Variants in MAX observed in about 807,000 individuals in gnomAD.
MAX encodes the protein MYC associated transcriptional regulator X.
A neutral mutation model predicts 22.3 loss-of-function variants in MAX; 3 were observed. The ratio of observed to expected loss-of-function variants is 0.13; its 90% CI spans 0.06 to 0.35. MAX has a LOEUF of 0.35. Ranked by LOEUF, MAX falls within the 10% of genes least tolerant of loss-of-function variation. The pLI, the probability that MAX is intolerant of heterozygous loss-of-function variation, is 1.00. For missense variants in MAX, 119 were observed against 209.4 expected, an observed-to-expected ratio of 0.57 and a Z score of 2.66; for synonymous variants, 72 against 77.7, an observed-to-expected ratio of 0.93 and a Z score of 0.39.
At chr14:65,101,681 A>C (rs1350204236) in intron 1 of MAX, 109 bp from the exon 2 acceptor site, 4 of 831,746 alleles carry the variant, frequency 4.8e-6, no homozygotes, top group African/African-American at 1.7e-5. Context: ...GAGGGTGGGG[A>C]GTCAGCCCGA....
intron 3 of MAX, among the ~76,000 whole-genome samples, chr14:65,056,085 C>CTATAAGCAATATATAGTTTTT (rs1221180206): frequency 6.6e-6 from 1 of 152,116 alleles, no homozygotes; most frequent in Non-Finnish European, 1.5e-5. Context: ...ACATATGTAT[C>CTATAAGCAATATATAGTTTTT]TATAAGCAAT....
intron 3 of MAX, among the ~76,000 whole-genome samples, chr14:65,037,745 T>A (rs201962317): frequency 0.29 from 15,142 of 51,756 alleles, 940 homozygotes; most frequent in Non-Finnish European, 0.34. Flanking sequence ...TTATTTATTA[T>A]TTATTTATTT....
intron 3 of MAX, among the ~76,000 whole-genome samples, chr14:65,015,196 G>A (rs1167778769): frequency 4.0e-5 from 6 of 150,676 alleles, no homozygotes; most frequent in African/African-American, 1.2e-4. Flanking sequence ...TCTGCCTCCC[G>A]GGTTCAAGTG....
chr14:65,048,314 T>C (rs961604812), intron 3 of MAX, among the ~76,000 whole-genome samples: 1 of 146,942 alleles, frequency 6.8e-6, no homozygotes. Flanking sequence ...TTCTGTATTA[T>C]ACTGTGCCTT....
At chr14:65,045,897 A>G (rs1022787704) in intron 3 of MAX, among the ~76,000 whole-genome samples, 1 of 152,232 alleles carries the variant, frequency 6.6e-6, no homozygotes, top group African/African-American at 2.4e-5. Flanking sequence ...GTGCACTGTC[A>G]GCAAGTGCAC....
At position 65,076,930 on chromosome 14, in the gene MAX, C is replaced by T. The variant is rs1364806929; in HGVS notation, c.296-267G>A. The stretch of plus-strand genomic sequence containing the variant: ...AAGGCTTGTGATGTCACCGTCCTGC[C>T]GTGGAAGCCCCGTGGAGAGACTGGA... On this transcript the variant is annotated intron_variant, in intron 4 of 4. Coordinates refer to ENST00000358664, the MANE Select transcript of MAX (RefSeq NM_002382.5). The surrounding 1 kb of genome is among the most constrained non-coding windows in gnomAD (Gnocchi z 6.6). The T allele has an allele frequency of 5.1e-6, 3 of 583,404 alleles. No homozygotes were observed. Among genetic ancestry groups the T allele is most frequent in the African/African-American group, 1.9e-5 (1 of 53,920 alleles). The allele number at this position is 583,404 out of a possible 1,614,324, so 36.1% of individuals were successfully genotyped here.
At chr14:65,102,210 A>G in intron 1 of MAX, 94 bp downstream of exon 1, 2 of 1,575,582 alleles carry the variant, frequency 1.3e-6, no homozygotes, top group African/African-American at 1.4e-5. Context: ...AGGCGGCGGC[A>G]GCCCGGCCCC....
Position 65,052,075 on chromosome 14 carries a change from A to G in MAX, c.171+41633T>C, listed in dbSNP as rs142485601. On this transcript the variant is annotated intron_variant, in intron 3 of 3. Transcript: ENST00000341653. ...CTCCCAAAGTGCTGGGATTACAGGC[A>G]TAAGCCATCGTGCCTGGCCCACCAT... is the stretch of plus-strand genomic sequence containing the variant. 7.0e-3 allele frequency among the ~76,000 whole-genome samples: 1,072 copies of G among 152,276 alleles called. 8 individuals are homozygous for G. Among genetic ancestry groups the G allele is most frequent in the African/African-American group, 0.024 (1,002 of 41,568 alleles).
chr14:65,064,662 T>C (rs1396024781), intron 3 of MAX, among the ~76,000 whole-genome samples: 1 of 152,202 alleles, frequency 6.6e-6, no homozygotes, highest in South Asian at 2.1e-4. Context: ...GAGAATACAG[T>C]GCACCAATTG....
chr14:65,091,307 C>T (rs532752160), intron 3 of MAX, among the ~76,000 whole-genome samples: 14 of 152,286 alleles, frequency 9.2e-5, no homozygotes, highest in Admixed American at 3.3e-4. Flanking sequence ...GCTGGCAGCT[C>T]GCTTTTTAAA....
upstream of MAX, chr14:65,102,603 T>C (rs2063884918): frequency 7.2e-7 from 1 of 1,394,014 alleles, no homozygotes; most frequent in East Asian, 2.7e-5. Context: ...CCGAGACTTG[T>C]AGTTCTTGTC....
chr14:65,080,082 A>G (rs2063164760), intron 3 of MAX, among the ~76,000 whole-genome samples: 1 of 152,198 alleles, frequency 6.6e-6, no homozygotes. Context: ...CCTGACTAGC[A>G]GAGACTAGAG....
At chr14:65,021,873 T>C (rs141927811) in intron 3 of MAX, 136 of 451,556 alleles carry the variant, frequency 3.0e-4, no homozygotes, top group African/African-American at 2.5e-3. Context: ...CTCAAACTCC[T>C]GGCCTTAAGT....
chr14:65,053,164 T>G, intron 3 of MAX: 894 of 1,165,260 alleles, frequency 7.7e-4, no homozygotes, highest in South Asian at 9.1e-4. Context: ...TTCCCCCAGG[T>G]GAGAAAGTGG....
chr14:65,051,936 A>G (rs1157511737), intron 3 of MAX, among the ~76,000 whole-genome samples: 1 of 151,562 alleles, frequency 6.6e-6, no homozygotes, highest in African/African-American at 2.4e-5. Flanking sequence ...CTGGGACTAC[A>G]GGCGCCCACC....
intron 3 of MAX, among the ~76,000 whole-genome samples, chr14:65,063,478 T>C (rs2062898925): frequency 6.6e-6 from 1 of 152,186 alleles, no homozygotes; most frequent in African/African-American, 2.4e-5. Context: ...GAAAGGGTTA[T>C]TTCAGGAGAG....
intron 3 of MAX, among the ~76,000 whole-genome samples, chr14:65,021,014 G>A (rs1462511503): frequency 6.6e-6 from 1 of 152,220 alleles, no homozygotes; most frequent in Non-Finnish European, 1.5e-5. Flanking sequence ...ACAGATGTGA[G>A]CCACCGCACC....
intron 3 of MAX, chr14:65,053,102 C>A: frequency 1.8e-6 from 1 of 545,564 alleles, no homozygotes; most frequent in Non-Finnish European, 2.8e-6. Flanking sequence ...GGGAAGATAG[C>A]AGTTGTACCA....
At position 65,011,087 on chromosome 14, in the gene MAX, A is replaced by G. The variant is rs1051590569; in HGVS notation, c.172-4803T>C. Among the ~76,000 whole-genome samples the G allele has an allele frequency of 5.3e-5, 8 of 152,104 alleles. No individual in the cohort carries two copies. Among genetic ancestry groups the G allele is most frequent in the Non-Finnish European group, 1.2e-4 (8 of 68,030 alleles). ...ACCTACCCATTCTTTCCTTGTAGCCATTGATATACTTACCTCATTTCTGAA... is the reference window on the plus strand; with the variant it reads ...ACCTACCCATTCTTTCCTTGTAGCCGTTGATATACTTACCTCATTTCTGAA... On this transcript the variant is annotated intron_variant, in intron 3 of 3. Transcript: ENST00000341653. This position sits in a 1 kb window ranked among gnomAD's most constrained non-coding sequence, Gnocchi z 4.0.
Sources: gnomAD v4.1 joint callset for allele counts (sites outside exome capture counted in the v4.1 genomes callset) on GRCh38, gnomAD v4.1.1 for gene constraint, Gnocchi (gnomAD v3.1) non-coding constraint, MANE v1.5 for transcripts, NCBI Gene and HGNC (gene_info 2026-07-23, HGNC 2026-07-21) for gene names.